AGBL4: variants seen among roughly 807,000 people sequenced by gnomAD.
AGBL4 encodes the protein AGBL carboxypeptidase 4, also known as cytosolic carboxypeptidase 6.
Under a neutral mutation model 66.4 loss-of-function variants are expected in AGBL4, and 58 were observed. That is an observed-to-expected ratio of 0.87 (90% CI 0.71 to 1.09). The LOEUF (loss-of-function observed/expected upper bound fraction) is 1.09, where lower values mean the gene tolerates loss of function less well. Ranked by LOEUF, AGBL4 falls within the 50% of genes least tolerant of loss-of-function variation. The probability of loss-of-function intolerance (pLI) is 0.00; values close to 1 mark genes in which losing one functional copy is unlikely to be tolerated. For synonymous variants in AGBL4, 234 were observed against 222.9 expected, an observed-to-expected ratio of 1.05 and a Z score of -0.44; for missense variants, 579 against 631.0, an observed-to-expected ratio of 0.92 and a Z score of 0.88.
At chr1:49,025,936 C>G (rs1663639564) in intron 5 of AGBL4, among the ~76,000 whole-genome samples, 1 of 152,034 alleles carries the variant, frequency 6.6e-6, no homozygotes, top group Non-Finnish European at 1.5e-5. Flanking sequence ...GGAGTTTTTT[C>G]AACTTTATTG....
At chr1:49,342,674 C>T (rs931574979) in intron 3 of AGBL4, among the ~76,000 whole-genome samples, 3 of 152,174 alleles carry the variant, frequency 2.0e-5, no homozygotes, top group Admixed American at 1.3e-4. Flanking sequence ...TTTGTCTTTT[C>T]GTGGTAGCAG....
At chr1:49,537,239 C>T (rs1651666742) in intron 3 of AGBL4, among the ~76,000 whole-genome samples, 1 of 152,038 alleles carries the variant, frequency 6.6e-6, no homozygotes, top group African/African-American at 2.4e-5. Flanking sequence ...TCTAGGCAAA[C>T]AATTTATCAC....
chr1:49,181,068 C>T (rs903757560), intron 4 of AGBL4, among the ~76,000 whole-genome samples: 33 of 152,064 alleles, frequency 2.2e-4, no homozygotes, highest in Non-Finnish European at 4.6e-4. Flanking sequence ...GGGCTGGTTC[C>T]CACAGTCATG....
intron 1 of AGBL4, among the ~76,000 whole-genome samples, chr1:49,916,916 T>TG (rs1007026565): frequency 4.2e-4 from 64 of 151,684 alleles, no homozygotes; most frequent in African/African-American, 1.5e-3. Context: ...CAGAAGAGAG[T>TG]GGGGGCCAAT....
chr1:49,229,665 G>C (rs1650162143), intron 4 of AGBL4, among the ~76,000 whole-genome samples: 1 of 152,130 alleles, frequency 6.6e-6, no homozygotes, highest in Non-Finnish European at 1.5e-5. Context: ...TCAGTATCTG[G>C]GTCCTGACCT....
At chr1:48,757,872 T>C (rs1345378946) in intron 6 of AGBL4, among the ~76,000 whole-genome samples, 2 of 152,220 alleles carry the variant, frequency 1.3e-5, no homozygotes, top group Non-Finnish European at 1.5e-5. Flanking sequence ...CTCAGAGTTA[T>C]TAATTACTGT....
chr1:50,014,095 A>T (rs1661752599), intron 1 of AGBL4, among the ~76,000 whole-genome samples: 1 of 152,174 alleles, frequency 6.6e-6, no homozygotes, highest in Non-Finnish European at 1.5e-5. Context: ...TTTAAAGGCC[A>T]GGTGTGGTGG....
chr1:49,455,901 T>C (rs1330935080), intron 3 of AGBL4, among the ~76,000 whole-genome samples: 1 of 151,728 alleles, frequency 6.6e-6, no homozygotes, highest in Non-Finnish European at 1.5e-5. Flanking sequence ...CTTTCTAAAA[T>C]AGTTCCCTTT....
At chr1:48,931,817 A>AT (rs1039861680) in intron 5 of AGBL4, among the ~76,000 whole-genome samples, 1 of 151,856 alleles carries the variant, frequency 6.6e-6, no homozygotes, top group African/African-American at 2.4e-5. Flanking sequence ...CCTCTGTGGC[A>AT]TTTTTTTCTT....
chr1:49,521,329 C>T (rs1461598563), intron 3 of AGBL4, among the ~76,000 whole-genome samples: 2 of 152,022 alleles, frequency 1.3e-5, no homozygotes, highest in African/African-American at 4.8e-5. Flanking sequence ...AAGAACAAAG[C>T]TGGAGGCATC....
rs555494995 is a variant in AGBL4 at position 49,774,632 on chromosome 1, T to A, written c.157+76764A>T. Among the ~76,000 whole-genome samples, 10 of 152,356 alleles carry A rather than the reference T, an allele frequency of 6.6e-5. No individual in the cohort carries two copies. The South Asian group carries it at 2.1e-3, about 32-fold the overall frequency. On this transcript the variant is annotated intron_variant, in intron 2 of 13. Transcript: ENST00000371839. ...TGATTCTATCTTAATTGAAAAGATA[T>A]CTTTTCTTCTCTCATTTTGACTTAG...
intron 5 of AGBL4, among the ~76,000 whole-genome samples, chr1:48,905,234 C>A (rs1413972897): frequency 6.6e-6 from 1 of 152,162 alleles, no homozygotes; most frequent in Non-Finnish European, 1.5e-5. Context: ...AAGACACTTA[C>A]AACAAGAGGG....
At chr1:48,768,117 G>GC (rs1240457662) in intron 6 of AGBL4, among the ~76,000 whole-genome samples, 4 of 152,110 alleles carry the variant, frequency 2.6e-5, no homozygotes, top group Non-Finnish European at 4.4e-5. Context: ...TTATCCTACA[G>GC]CAACAAGAGA....
In AGBL4 at chr1:49,489,994, G is replaced by A. The variant is rs1463810239; in HGVS notation, c.282+207319C>T. On this transcript the variant is annotated intron_variant, in intron 3 of 13. Coordinates refer to ENST00000371839, the MANE Select transcript of AGBL4 (RefSeq NM_032785.4). ...TCATCTGGAAATAAGAAATAATTTT[G>A]TTTCTATTTCCAAATACTTACATGT... Among the ~76,000 whole-genome samples the A allele has an allele frequency of 1.3e-5, 2 of 151,680 alleles. 1 individual carries two copies. The highest frequency in any genetic ancestry group is 2.9e-5 in the Non-Finnish European group (2 of 67,818).
At chr1:49,395,613 C>T (rs1352407768) in intron 3 of AGBL4, among the ~76,000 whole-genome samples, 3 of 148,040 alleles carry the variant, frequency 2.0e-5, no homozygotes, top group African/African-American at 7.5e-5. Flanking sequence ...GTGAACTGCA[C>T]ATGTGAGGGA....
intron 4 of AGBL4, among the ~76,000 whole-genome samples, chr1:49,099,695 G>C (rs1175888570): frequency 6.6e-6 from 1 of 152,100 alleles, no homozygotes; most frequent in African/African-American, 2.4e-5. Flanking sequence ...CCTAGACTGT[G>C]ATACCTTCAG....
intron 5 of AGBL4, among the ~76,000 whole-genome samples, chr1:48,988,141 C>T (rs1472055286): frequency 6.6e-5 from 10 of 152,104 alleles, no homozygotes; most frequent in African/African-American, 2.4e-4. Context: ...TATATACATA[C>T]ACTTAAAATG....
intron 4 of AGBL4, among the ~76,000 whole-genome samples, chr1:49,176,516 A>G (rs1039463103): frequency 6.6e-6 from 1 of 152,176 alleles, no homozygotes; most frequent in African/African-American, 2.4e-5. Flanking sequence ...CCCTGAAGTC[A>G]TAAAATAGTA....
intron 3 of AGBL4, among the ~76,000 whole-genome samples, chr1:49,533,174 A>C (rs1293454702): frequency 6.6e-6 from 1 of 151,916 alleles, no homozygotes; most frequent in Non-Finnish European, 1.5e-5. Flanking sequence ...CACACCCACA[A>C]TACCACCTAC....
Sources: gnomAD v4.1 joint callset for allele counts (sites outside exome capture counted in the v4.1 genomes callset) on GRCh38, gnomAD v4.1.1 for gene constraint, MANE v1.5 for transcripts, NCBI Gene and HGNC (gene_info 2026-07-23, HGNC 2026-07-21) for gene names.